Variants in ERGIC1 observed in about 807,000 individuals in gnomAD.
ERGIC1 encodes endoplasmic reticulum-Golgi intermediate compartment protein 1.
Under a neutral mutation model 38.3 loss-of-function variants are expected in ERGIC1, and 19 were observed. The ratio of observed to expected loss-of-function variants is 0.50; its 90% confidence interval spans 0.35 to 0.73. ERGIC1 has a LOEUF of 0.73. ERGIC1 is among the 30% of genes least tolerant of loss of function. The probability of loss-of-function intolerance (pLI) is 0.01; values close to 1 mark genes in which losing one functional copy is unlikely to be tolerated. For synonymous variants in ERGIC1, 124 were observed against 157.6 expected (o/e 0.79, Z 1.60); for missense variants, 294 against 389.2 (o/e 0.76, Z 2.06).
intron 3 of ERGIC1, among the ~76,000 whole-genome samples, chr5:172,904,086 C>T (rs768700292): frequency 1.4e-4 from 22 of 152,196 alleles, no homozygotes; most frequent in South Asian, 6.2e-4. Context: ...GTGAAGTAGA[C>T]GGAATCTTTA....
intron 3 of ERGIC1, among the ~76,000 whole-genome samples, chr5:172,909,128 G>C (rs3915986): frequency 0.68 from 99,975 of 146,382 alleles, 34,515 homozygotes; most frequent in Non-Finnish European, 0.74. Context: ...CGTGCTATCT[G>C]ACCCCACCCC....
intron 1 of ERGIC1, among the ~76,000 whole-genome samples, chr5:172,863,111 T>G (rs1330048783): frequency 6.6e-6 from 1 of 152,166 alleles, no homozygotes; most frequent in Admixed American, 6.5e-5. Context: ...CCATCACACC[T>G]GGCTAATTTT....
intron 3 of ERGIC1, among the ~76,000 whole-genome samples, chr5:172,899,231 C>T (rs1473767785): frequency 2.7e-5 from 4 of 148,970 alleles, no homozygotes; most frequent in Non-Finnish European, 4.5e-5. Flanking sequence ...AGTGAGCAAG[C>T]GGAGAGGGTA....
Position 172,894,935 on chromosome 5 carries a change from C to T in ERGIC1, c.83-2067C>T, listed in dbSNP as rs71611155. 8.5e-3 allele frequency among the ~76,000 whole-genome samples: 1,299 copies of T among 152,310 alleles called. 13 individuals carry two copies. Among genetic ancestry groups the T allele is most frequent in the Non-Finnish European group, 0.011 (724 of 68,040 alleles). On this transcript the variant is annotated intron_variant, in intron 2 of 9. Coordinates refer to ENST00000393784, the MANE Select transcript of ERGIC1 (RefSeq NM_001031711.3). The stretch of plus-strand genomic sequence containing the variant: ...TTGCTTTGAAGATAGATCAATCAAT[C>T]GATCAATGTTTGGCTGTTTGTTTTA...
At chr5:172,949,498 G>A (rs1279352746) in intron 9 of ERGIC1, among the ~76,000 whole-genome samples, 1 of 152,180 alleles carries the variant, frequency 6.6e-6, no homozygotes, top group Admixed American at 6.5e-5. Flanking sequence ...GTATTTTGTT[G>A]TGGTTAGTAT....
In ERGIC1 at chr5:172,950,722, T is replaced by C. The variant is rs912819587; in HGVS notation, c.779T>C (p.Ile260Thr). 1.2e-6 allele frequency: 2 copies of C among 1,612,138 alleles called. No homozygotes were observed. The highest frequency in any genetic ancestry group is 1.7e-6 in the Non-Finnish European group (2 of 1,178,664). Reference protein sequence around the residue: ...YRFITTICAIIGGTFTVAGIL... With the variant: ...YRFITTICAITGGTFTVAGIL... ...GCCCTCTTGCAGATCTGTGCCATCA[T>C]TGGCGGGACCTTCACCGTCGCCGGC... The change falls in exon 10 of 10, where the codon ATT (isoleucine) becomes ACT (threonine). Residue 260 changes from isoleucine to threonine, a missense_variant. Ile to Thr is a moderately conservative substitution (Grantham distance 89). Transcript: ENST00000393784.
chr5:172,885,751 C>T (rs985578650), intron 1 of ERGIC1, among the ~76,000 whole-genome samples: 8 of 152,058 alleles, frequency 5.3e-5, no homozygotes, highest in African/African-American at 1.7e-4. Flanking sequence ...ACATGCCCTC[C>T]CCACTGGCCC....
chr5:172,891,276 T>C (rs934416878), intron 2 of ERGIC1, among the ~76,000 whole-genome samples: 5 of 152,130 alleles, frequency 3.3e-5, no homozygotes, highest in African/African-American at 9.7e-5. Context: ...CTTGGTAGTT[T>C]ATGAACCTGA....
intron 1 of ERGIC1, among the ~76,000 whole-genome samples, chr5:172,844,465 G>A (rs1038392485): frequency 2.6e-5 from 4 of 152,220 alleles, no homozygotes; most frequent in African/African-American, 7.2e-5. Context: ...GAGGGCTGAC[G>A]ATAGCCTATG....
At chr5:172,945,751 C>G (rs1229816415) in intron 9 of ERGIC1, among the ~76,000 whole-genome samples, 1 of 152,138 alleles carries the variant, frequency 6.6e-6, no homozygotes, top group African/African-American at 2.4e-5. Context: ...GTGGCTGAAT[C>G]TCGACTCACT....
chr5:172,948,065 GTC>G (rs1246897842), intron 9 of ERGIC1, among the ~76,000 whole-genome samples: 2 of 152,088 alleles, frequency 1.3e-5, no homozygotes, highest in African/African-American at 4.8e-5. Context: ...TCCCTGAAAA[GTC>G]CCCCTGCGTC....
chr5:172,858,106 G>A (rs878966369), intron 1 of ERGIC1, among the ~76,000 whole-genome samples: 1 of 152,218 alleles, frequency 6.6e-6, no homozygotes, highest in Admixed American at 6.5e-5. Flanking sequence ...GGGATCGGGG[G>A]AACCTGACTG....
intron 6 of ERGIC1, among the ~76,000 whole-genome samples, chr5:172,925,843 A>T (rs1763638685): frequency 6.6e-6 from 1 of 152,076 alleles, no homozygotes; most frequent in Admixed American, 6.5e-5. Context: ...CCTTCTTTAG[A>T]TGTTCCTTGA....
chr5:172,892,595 G>A (rs1028892817), intron 2 of ERGIC1, among the ~76,000 whole-genome samples: 6 of 152,078 alleles, frequency 3.9e-5, no homozygotes, highest in Non-Finnish European at 7.4e-5. Context: ...CCTACTGTCC[G>A]ATGCCTGAGT....
chr5:172,892,542 G>A (rs1039978413), intron 2 of ERGIC1, among the ~76,000 whole-genome samples: 5 of 152,084 alleles, frequency 3.3e-5, no homozygotes, highest in African/African-American at 4.8e-5. Context: ...TTGGCTGGCC[G>A]TACCAGGTTT....
intron 8 of ERGIC1, chr5:172,934,319 A>G (rs879404997): frequency 6.6e-6 from 1 of 152,272 alleles, no homozygotes; most frequent in African/African-American, 2.4e-5. Flanking sequence ...GATCCCAGGG[A>G]TCATCATCCC....
intron 1 of ERGIC1, among the ~76,000 whole-genome samples, chr5:172,850,998 G>A (rs1451378938): frequency 4.7e-5 from 7 of 149,740 alleles, no homozygotes; most frequent in Admixed American, 1.3e-4. Flanking sequence ...CCAGGAGTTC[G>A]AGACCAGCCT....
chr5:172,950,792 G>T lies in ERGIC1; in HGVS notation c.849G>T (p.Lys283Asn), dbSNP rs1343916865. The change falls in exon 10 of 10, where the codon AAG becomes AAT. Residue 283 changes from lysine to asparagine, a missense_variant. Transcript: ENST00000393784. ...TCACAGCCTCTGAGGCCTGGAAGAA[G>T]ATCCAGCTGGGCAAGATGCATTGAC... is the stretch of plus-strand genomic sequence containing the variant. ...CIFTASEAWK[K>N]IQLGKMH The T allele has an allele frequency of 1.2e-6, 2 of 1,612,196 alleles. No homozygotes were observed. Among genetic ancestry groups the T allele is most frequent in the Non-Finnish European group, 8.5e-7 (1 of 1,178,612 alleles).
At chr5:172,881,847 C>T (rs527407224) in intron 1 of ERGIC1, among the ~76,000 whole-genome samples, 2 of 152,222 alleles carry the variant, frequency 1.3e-5, no homozygotes, top group Non-Finnish European at 2.9e-5. Context: ...GCCTCTGTGG[C>T]CCTAGTATAT....
Sources: allele counts gnomAD v4.1 joint callset (sites outside exome capture counted in the v4.1 genomes callset), GRCh38; gene constraint gnomAD v4.1.1; transcripts MANE v1.5; gene names NCBI Gene and HGNC (gene_info 2026-07-23, HGNC 2026-07-21).